WWOX: variants seen among roughly 807,000 people sequenced by gnomAD.
The protein encoded by WWOX is WW domain-containing oxidoreductase.
WWOX carries 69 observed loss-of-function variants against 46.2 expected under a neutral mutation model. That is an observed-to-expected ratio of 1.49 (90% CI 1.23 to 1.82). WWOX has a LOEUF of 1.82. Among genes scored for constraint, WWOX ranks in the 40% most tolerant of loss-of-function variants. The pLI is 0.00. For synonymous variants in WWOX, 359 were observed against 202.6 expected (o/e 1.77, Z -6.56); for missense variants, 919 against 542.6 (o/e 1.69, Z -6.89).
At chr16:78,317,373 T>C (rs973700490) in intron 5 of WWOX, among the ~76,000 whole-genome samples, 3 of 152,104 alleles carry the variant, frequency 2.0e-5, no homozygotes, top group African/African-American at 7.2e-5. Flanking sequence ...TTTGTTACAG[T>C]GTGATGGAGA....
chr16:78,582,823 C>A (rs2045095721), intron 8 of WWOX, among the ~76,000 whole-genome samples: 1 of 152,118 alleles, frequency 6.6e-6, no homozygotes, highest in Admixed American at 6.5e-5. Flanking sequence ...GCCCTGAAGA[C>A]CTGGTATGTC....
intron 5 of WWOX, among the ~76,000 whole-genome samples, chr16:78,279,983 C>T (rs548238810): frequency 1.2e-4 from 19 of 152,306 alleles, no homozygotes; most frequent in South Asian, 1.2e-3. Flanking sequence ...CAAATGAATC[C>T]GTTTCCCCTC....
chr16:78,150,024 C>G (rs1173575324), intron 4 of WWOX, among the ~76,000 whole-genome samples: 2 of 152,142 alleles, frequency 1.3e-5, no homozygotes, highest in South Asian at 2.1e-4. Flanking sequence ...TCAGCACAGA[C>G]CCCATGGTTG....
intron 8 of WWOX, among the ~76,000 whole-genome samples, chr16:78,847,674 T>C (rs2052336287): frequency 6.6e-6 from 1 of 152,048 alleles, no homozygotes; most frequent in East Asian, 1.9e-4. Flanking sequence ...TGGGATGTTA[T>C]TTAACTCTCA....
chr16:78,965,728 C>A (rs917036013), intron 8 of WWOX, among the ~76,000 whole-genome samples: 1 of 152,160 alleles, frequency 6.6e-6, no homozygotes, highest in Non-Finnish European at 1.5e-5. Flanking sequence ...CGCATTGTGA[C>A]TTGATCCCAT....
chr16:78,939,098 A>T (rs7203016), intron 8 of WWOX, among the ~76,000 whole-genome samples: 7 of 152,056 alleles, frequency 4.6e-5, no homozygotes, highest in African/African-American at 9.7e-5. Context: ...TAGACAGGAC[A>T]GTGGCCCCGC....
At chr16:78,998,117 C>T (rs906299553) in intron 8 of WWOX, among the ~76,000 whole-genome samples, 1 of 152,158 alleles carries the variant, frequency 6.6e-6, no homozygotes, top group East Asian at 1.9e-4. Context: ...CTCAGGTGAT[C>T]CCGCCCGCCT....
chr16:78,807,254 A>T (rs1041622303), intron 8 of WWOX, among the ~76,000 whole-genome samples: 1 of 152,210 alleles, frequency 6.6e-6, no homozygotes, highest in African/African-American at 2.4e-5. Flanking sequence ...CTGGCCAGTG[A>T]AGGTCAGGCA....
At chr16:78,986,407 T>C (rs1431105322) in intron 8 of WWOX, among the ~76,000 whole-genome samples, 1 of 152,206 alleles carries the variant, frequency 6.6e-6, no homozygotes, top group Non-Finnish European at 1.5e-5. Flanking sequence ...GGTTTGGACA[T>C]GAACTGGTTT....
At chr16:78,545,749 C>G (rs2044014484) in intron 8 of WWOX, among the ~76,000 whole-genome samples, 1 of 152,124 alleles carries the variant, frequency 6.6e-6, no homozygotes, top group Non-Finnish European at 1.5e-5. Flanking sequence ...GCTGGAAATT[C>G]AAGACAAAGT....
At chr16:78,746,810 C>T (rs529615077) in intron 8 of WWOX, among the ~76,000 whole-genome samples, 48 of 152,084 alleles carry the variant, frequency 3.2e-4, no homozygotes, top group Non-Finnish European at 5.4e-4. Context: ...CAACCTCAAC[C>T]AATTCTTAGA....
chr16:78,407,009 G>A (rs902472497), intron 6 of WWOX, among the ~76,000 whole-genome samples: 3 of 152,222 alleles, frequency 2.0e-5, no homozygotes, highest in Admixed American at 6.5e-5. Context: ...ATTTTGGGCA[G>A]CTGTGGCCTT....
chr16:78,946,359 T>C (rs1228347129), intron 8 of WWOX, among the ~76,000 whole-genome samples: 1 of 151,976 alleles, frequency 6.6e-6, no homozygotes, highest in Non-Finnish European at 1.5e-5. Context: ...CCAGCTAATT[T>C]TTTGTATTTT....
At chr16:78,908,704 G>A (rs1604953) in intron 8 of WWOX, among the ~76,000 whole-genome samples, 109,598 of 151,944 alleles carry the variant, frequency 0.72, 40,948 homozygotes, top group East Asian at 0.9. Flanking sequence ...GGTCAGGTTT[G>A]AGATGGAATC....
intron 8 of WWOX, among the ~76,000 whole-genome samples, chr16:78,755,397 C>A (rs997853457): frequency 6.6e-6 from 1 of 152,130 alleles, no homozygotes; most frequent in African/African-American, 2.4e-5. Flanking sequence ...GGCCTTGTTG[C>A]TATTCCCCTG....
intron 8 of WWOX, among the ~76,000 whole-genome samples, chr16:79,019,396 G>T (rs1445010019): frequency 6.6e-6 from 1 of 152,046 alleles, no homozygotes; most frequent in East Asian, 1.9e-4. Context: ...TGCAACGTGT[G>T]ATTGGGCTGC....
intron 8 of WWOX, among the ~76,000 whole-genome samples, chr16:78,644,779 A>G (rs1373436535): frequency 6.6e-6 from 1 of 152,232 alleles, no homozygotes; most frequent in Non-Finnish European, 1.5e-5. Flanking sequence ...CGGCACTTTT[A>G]TCCAACAAAT....
chr16:78,245,396 A>C (rs1197225817), intron 5 of WWOX, among the ~76,000 whole-genome samples: 1 of 152,152 alleles, frequency 6.6e-6, no homozygotes, highest in Non-Finnish European at 1.5e-5. Context: ...TATGGGATTG[A>C]TTTGCCAGAA....
At chr16:78,531,390 G>C (rs1175872991) in intron 8 of WWOX, among the ~76,000 whole-genome samples, 4 of 152,160 alleles carry the variant, frequency 2.6e-5, no homozygotes, top group Non-Finnish European at 5.9e-5. Context: ...TGGTTGAATT[G>C]TGCACCCTGT....
Sources: allele counts gnomAD v4.1 joint callset (sites outside exome capture counted in the v4.1 genomes callset), GRCh38; gene constraint gnomAD v4.1.1; transcripts MANE v1.5; gene names NCBI Gene and HGNC (gene_info 2026-07-23, HGNC 2026-07-21).